The following RBFOX1 variants were observed in gnomAD, a reference collection of about 807,000 sequenced individuals.
The protein encoded by RBFOX1 is RNA binding fox-1 homolog 1, also known as RNA binding protein fox-1 homolog 1.
A neutral mutation model predicts 57.7 loss-of-function variants in RBFOX1; 8 were observed. The ratio of observed to expected loss-of-function variants is 0.14; its 90% confidence interval spans 0.08 to 0.25. RBFOX1 has a LOEUF of 0.25. Among genes scored for constraint, RBFOX1 ranks in the 10% least tolerant of loss-of-function variants. RBFOX1 has a pLI of 1.00. For missense variants in RBFOX1, 611 were observed against 548.5 expected (o/e 1.11, Z -1.14); for synonymous variants, 326 against 222.4 (o/e 1.47, Z -4.15).
At chr16:5,427,177 C>T (rs1285885197) in intron 1 of RBFOX1, among the ~76,000 whole-genome samples, 1 of 152,172 alleles carries the variant, frequency 6.6e-6, no homozygotes, top group Non-Finnish European at 1.5e-5. Flanking sequence ...GTGGGCTCAC[C>T]AGAGAATTAG....
chr16:6,964,391 T>C (rs1489699123), intron 3 of RBFOX1, among the ~76,000 whole-genome samples: 2 of 152,176 alleles, frequency 1.3e-5, no homozygotes, highest in Non-Finnish European at 2.9e-5. Context: ...CGTTATATAT[T>C]GGTCTCAACC....
chr16:5,548,171 AAAAAT>A (rs1333644118), intron 2 of RBFOX1, among the ~76,000 whole-genome samples: 92 of 37,506 alleles, frequency 2.5e-3, no homozygotes, highest in South Asian at 8.1e-3. Context: ...AAAAAAAAAA[AAAAAT>A]ATATATATAT....
chr16:7,048,212 A>T (rs2048716320), intron 3 of RBFOX1, among the ~76,000 whole-genome samples: 1 of 150,644 alleles, frequency 6.6e-6, no homozygotes, highest in Non-Finnish European at 1.5e-5. Flanking sequence ...AAAAAAATTT[A>T]GTTATTTTTA....
chr16:5,629,651 A>T (rs1209054952), intron 3 of RBFOX1, among the ~76,000 whole-genome samples: 1 of 152,136 alleles, frequency 6.6e-6, no homozygotes, highest in Non-Finnish European at 1.5e-5. Flanking sequence ...TCTTGGTATG[A>T]TAATAGTTGC....
At chr16:6,113,636 G>A (rs549771714) in intron 1 of RBFOX1, among the ~76,000 whole-genome samples, 1 of 152,312 alleles carries the variant, frequency 6.6e-6, no homozygotes, top group South Asian at 2.1e-4. Flanking sequence ...TCCTCACAGT[G>A]AAGGGCAAGA....
At chr16:7,002,604 C>G (rs564655779) in intron 3 of RBFOX1, among the ~76,000 whole-genome samples, 1 of 151,974 alleles carries the variant, frequency 6.6e-6, no homozygotes, top group Admixed American at 6.6e-5. Context: ...CCCAGCCACT[C>G]GGGAGGCTGA....
intron 3 of RBFOX1, among the ~76,000 whole-genome samples, chr16:5,685,042 C>T (rs1415561075): frequency 2.0e-5 from 3 of 152,052 alleles, no homozygotes; most frequent in African/African-American, 4.8e-5. Flanking sequence ...GCGATAGAAG[C>T]GGTTGTGATT....
chr16:5,296,114 G>A (rs966721911), intron 1 of RBFOX1, among the ~76,000 whole-genome samples: 1 of 152,146 alleles, frequency 6.6e-6, no homozygotes, highest in African/African-American at 2.4e-5. Context: ...TCTCACAGAC[G>A]CCTTCTTCAT....
intron 4 of RBFOX1, among the ~76,000 whole-genome samples, chr16:5,923,417 C>G (rs1016800047): frequency 6.6e-6 from 1 of 151,854 alleles, no homozygotes; most frequent in Admixed American, 6.6e-5. Context: ...AGGATTAGCC[C>G]CAGCTCCAGC....
chr16:6,209,454 T>C (rs931050566), intron 1 of RBFOX1, among the ~76,000 whole-genome samples: 1 of 152,236 alleles, frequency 6.6e-6, no homozygotes, highest in South Asian at 2.1e-4. Context: ...TTAGTTGAGG[T>C]TGAGCTTAAT....
intron 4 of RBFOX1, among the ~76,000 whole-genome samples, chr16:7,489,570 C>A (rs768367040): frequency 6.6e-6 from 1 of 151,944 alleles, no homozygotes; most frequent in Non-Finnish European, 1.5e-5. Context: ...GGCTGGAATG[C>A]GGTGGTACCA....
chr16:6,856,161 C>A (rs2057861105), intron 3 of RBFOX1, among the ~76,000 whole-genome samples: 1 of 151,126 alleles, frequency 6.6e-6, no homozygotes, highest in African/African-American at 2.5e-5. Context: ...ACCTTCCTTG[C>A]TTCCTTTCCT....
chr16:6,267,163 C>T (rs2074609419), intron 1 of RBFOX1, among the ~76,000 whole-genome samples: 1 of 151,922 alleles, frequency 6.6e-6, no homozygotes, highest in African/African-American at 2.4e-5. Flanking sequence ...ACTCTGGATC[C>T]CAGTCAGGAA....
At chr16:5,806,880 G>A (rs1378793163) in intron 3 of RBFOX1, among the ~76,000 whole-genome samples, 3 of 152,162 alleles carry the variant, frequency 2.0e-5, no homozygotes, top group Non-Finnish European at 2.9e-5. Context: ...GTTCCCAAAT[G>A]CTCTTTCTAA....
At chr16:6,312,701 CTT>C (rs2080514605) in intron 1 of RBFOX1, among the ~76,000 whole-genome samples, 1 of 141,320 alleles carries the variant, frequency 7.1e-6, no homozygotes, top group Non-Finnish European at 1.6e-5. Context: ...TCCTTCCTTC[CTT>C]CCTTCCTTCC....
In RBFOX1 at chr16:7,193,445, T is replaced by A. The variant is rs534416946; in HGVS notation, c.27+141347T>A. 1.3e-3 allele frequency among the ~76,000 whole-genome samples: 203 copies of A among 152,372 alleles called. 1 individual carries two copies. The highest frequency in any genetic ancestry group is 0.01 in the Middle Eastern group (3 of 294). ...ACAGAACTATAAGATGGGTTGTTTG[T>A]GTTGTTTAAAGCCATCATGTTTGAG... On this transcript the variant is annotated intron_variant, in intron 4 of 15. Transcript: ENST00000550418.
chr16:7,082,763 G>C (rs2059399795), intron 4 of RBFOX1, among the ~76,000 whole-genome samples: 1 of 151,882 alleles, frequency 6.6e-6, no homozygotes, highest in Non-Finnish European at 1.5e-5. Flanking sequence ...AATTTCTGTA[G>C]CAGATCAGAA....
At chr16:7,120,826 T>TACACACAC (rs1358272604) in intron 4 of RBFOX1, among the ~76,000 whole-genome samples, 6 of 35,480 alleles carry the variant, frequency 1.7e-4, no homozygotes, top group Admixed American at 3.9e-4. Flanking sequence ...TATATATGTA[T>TACACACAC]ATATACACAC....
chr16:5,901,420 C>G (rs949267080), intron 4 of RBFOX1, among the ~76,000 whole-genome samples: 7 of 152,184 alleles, frequency 4.6e-5, no homozygotes, highest in African/African-American at 1.2e-4. Context: ...TGAAATATAA[C>G]TCCTAGCTTA....
Sources: gnomAD v4.1 joint callset for allele counts (sites outside exome capture counted in the v4.1 genomes callset) on GRCh38, gnomAD v4.1.1 for gene constraint, MANE v1.5 for transcripts, NCBI Gene and HGNC (gene_info 2026-07-23, HGNC 2026-07-21) for gene names.